The following EPHA3 variants were observed in gnomAD, a reference collection of about 807,000 sequenced individuals.
EPHA3 encodes ephrin type-A receptor 3.
A neutral mutation model predicts 107.1 loss-of-function variants in EPHA3; 42 were observed. The observed-to-expected ratio is 0.39, with a 90% CI of 0.31 to 0.51. The LOEUF (loss-of-function observed/expected upper bound fraction) is 0.51, where lower values mean the gene tolerates loss of function less well. Ranked by LOEUF, EPHA3 falls within the 20% of genes least tolerant of loss-of-function variation. EPHA3 has a pLI of 0.78. For missense variants in EPHA3, 1,183 were observed against 1,211.2 expected (o/e 0.98, Z 0.35); for synonymous variants, 461 against 424.8 (o/e 1.09, Z -1.05).
rs147593743 is a variant in EPHA3 at position 89,320,633 on chromosome 3, T to A, written c.815-20283T>A. 2.3e-3 allele frequency among the ~76,000 whole-genome samples: 349 copies of A among 152,102 alleles called. 3 individuals are homozygous for A. Among genetic ancestry groups the A allele is most frequent in the African/African-American group, 8.1e-3 (336 of 41,526 alleles). ...AAGCCATGAGGCTACATGGCAAGAT[T>A]TTTTAAATCTTTGTTTACACTTAAT... On this transcript the variant is annotated intron_variant, in intron 3 of 16. Coordinates refer to ENST00000336596, the MANE Select transcript of EPHA3 (RefSeq NM_005233.6).
chr3:89,232,962 T>C (rs1704672321), intron 3 of EPHA3, among the ~76,000 whole-genome samples: 1 of 152,182 alleles, frequency 6.6e-6, no homozygotes, highest in Non-Finnish European at 1.5e-5. Flanking sequence ...AGTTTCCTTT[T>C]CATGGTGTCA....
intron 1 of EPHA3, among the ~76,000 whole-genome samples, chr3:89,115,387 T>G (rs1410300196): frequency 6.6e-6 from 1 of 152,122 alleles, no homozygotes; most frequent in African/African-American, 2.4e-5. Context: ...AAGCCCGTGT[T>G]TGACTGACAC....
intron 11 of EPHA3, among the ~76,000 whole-genome samples, chr3:89,425,764 T>C (rs1709442854): frequency 6.6e-6 from 1 of 151,434 alleles, no homozygotes; most frequent in Non-Finnish European, 1.5e-5. Context: ...ATTATTCTAC[T>C]CTATAAGAAA....
At chr3:89,145,194 T>C (rs1704511596) in intron 2 of EPHA3, among the ~76,000 whole-genome samples, 2 of 151,668 alleles carry the variant, frequency 1.3e-5, no homozygotes, top group Admixed American at 1.3e-4. Context: ...AAAACTTTGC[T>C]GCTAATGAAT....
chr3:89,261,728 A>G (rs1576273084), intron 3 of EPHA3, among the ~76,000 whole-genome samples: 1 of 152,106 alleles, frequency 6.6e-6, no homozygotes, highest in Non-Finnish European at 1.5e-5. Flanking sequence ...GCACTCATTT[A>G]TAACTCTAGT....
In EPHA3 at chr3:89,359,832, T is replaced by TATATACATGTATATACATATATATAC. The variant is rs747927767; in HGVS notation, c.1306+17743_1306+17744insTATACATGTATATACATATATATACA. On this transcript the variant is annotated intron_variant, in intron 5 of 16. Coordinates refer to ENST00000336596, the MANE Select transcript of EPHA3 (RefSeq NM_005233.6). ...ATATACATATATATACATATATATATACATATATATATATGCATATCTTTG... is the reference window on the plus strand; with the variant it reads ...ATATACATATATATACATATATATATATATACATGTATATACATATATATACACATATATATATATGCATATCTTTG... Among the ~76,000 whole-genome samples the TATATACATGTATATACATATATATAC allele has an allele frequency of 3.9e-5, 5 of 128,120 alleles. 1 individual carries two copies. Among genetic ancestry groups the TATATACATGTATATACATATATATAC allele is most frequent in the Admixed American group, 2.5e-4 (3 of 11,990 alleles). The allele number at this position is 128,120 out of a possible 152,430, so 84.1% of individuals were successfully genotyped here.
intron 3 of EPHA3, among the ~76,000 whole-genome samples, chr3:89,279,615 T>C (rs932464215): frequency 1.3e-5 from 2 of 152,140 alleles, no homozygotes; most frequent in African/African-American, 2.4e-5. Flanking sequence ...TAATTGATTT[T>C]TTTTCTCATA....
At chr3:89,411,283 G>A (rs1709150624) in intron 9 of EPHA3, among the ~76,000 whole-genome samples, 1 of 151,754 alleles carries the variant, frequency 6.6e-6, no homozygotes, top group African/African-American at 2.4e-5. Flanking sequence ...TCCAAAGCAA[G>A]GGACAGAACT....
At chr3:89,446,929 A>G (rs973517363) in intron 13 of EPHA3, among the ~76,000 whole-genome samples, 13 of 152,090 alleles carry the variant, frequency 8.5e-5, no homozygotes, top group African/African-American at 3.1e-4. Context: ...GATTTTTAAG[A>G]TACTGTACCT....
At chr3:89,244,942 G>A (rs1704997361) in intron 3 of EPHA3, among the ~76,000 whole-genome samples, 2 of 152,180 alleles carry the variant, frequency 1.3e-5, no homozygotes, top group African/African-American at 4.8e-5. Context: ...CCCTGCAGAT[G>A]AACAGTTACG....
intron 13 of EPHA3, among the ~76,000 whole-genome samples, chr3:89,442,491 T>G (rs919849645): frequency 3.9e-5 from 6 of 152,188 alleles, no homozygotes; most frequent in African/African-American, 1.2e-4. Flanking sequence ...GAGGCATTTT[T>G]GGCTGTCACA....
At chr3:89,135,812 G>T (rs1437261645) in intron 2 of EPHA3, among the ~76,000 whole-genome samples, 1 of 151,286 alleles carries the variant, frequency 6.6e-6, no homozygotes, top group African/African-American at 2.4e-5. Context: ...TATATTGATT[G>T]TTATCAAGGG....
At chr3:89,394,447 G>C (rs539050775) in intron 5 of EPHA3, among the ~76,000 whole-genome samples, 4 of 152,260 alleles carry the variant, frequency 2.6e-5, no homozygotes, top group South Asian at 4.1e-4. Flanking sequence ...GCCAATCCAT[G>C]CTTCAATTAG....
intron 5 of EPHA3, among the ~76,000 whole-genome samples, chr3:89,387,550 T>G (rs1302300736): frequency 6.6e-6 from 1 of 152,166 alleles, no homozygotes. Flanking sequence ...GAGAATGAAC[T>G]GATATAACCT....
At chr3:89,314,443 C>A (rs542748445) in intron 3 of EPHA3, among the ~76,000 whole-genome samples, 1 of 151,712 alleles carries the variant, frequency 6.6e-6, no homozygotes, top group Non-Finnish European at 1.5e-5. Context: ...TAATGTGATA[C>A]AAAGCAATCT....
At chr3:89,397,049 T>A (rs1399954704) in intron 6 of EPHA3, among the ~76,000 whole-genome samples, 1 of 152,148 alleles carries the variant, frequency 6.6e-6, no homozygotes, top group African/African-American at 2.4e-5. Flanking sequence ...TAGATCCTTA[T>A]AAGAATTATT....
chr3:89,254,875 T>C (rs1186147453), intron 3 of EPHA3, among the ~76,000 whole-genome samples: 3 of 152,192 alleles, frequency 2.0e-5, no homozygotes, highest in Non-Finnish European at 4.4e-5. Context: ...GGGCTTCCTA[T>C]AGGGAAGGCT....
intron 5 of EPHA3, among the ~76,000 whole-genome samples, chr3:89,375,308 C>T (rs1162586043): frequency 6.6e-6 from 1 of 151,722 alleles, no homozygotes; most frequent in Non-Finnish European, 1.5e-5. Flanking sequence ...AGTTTGAATT[C>T]TCCCAGAAGT....
intron 1 of EPHA3, among the ~76,000 whole-genome samples, chr3:89,114,374 C>A (rs1707200491): frequency 1.3e-5 from 2 of 152,290 alleles, no homozygotes; most frequent in South Asian, 4.2e-4. Flanking sequence ...ACAAACTATT[C>A]TCCGCTAGGT....
Sources: gnomAD v4.1 joint callset for allele counts (sites outside exome capture counted in the v4.1 genomes callset) on GRCh38, gnomAD v4.1.1 for gene constraint, MANE v1.5 for transcripts, NCBI Gene and HGNC (gene_info 2026-07-23, HGNC 2026-07-21) for gene names.